Variants in STIM1 observed in about 807,000 individuals in gnomAD.
The protein encoded by STIM1 is stromal interaction molecule 1.
Under a neutral mutation model 74.7 loss-of-function variants are expected in STIM1, and 25 were observed. The observed-to-expected ratio is 0.33, with a 90% CI of 0.24 to 0.47. STIM1 has a LOEUF of 0.47. Among genes scored for constraint, STIM1 ranks in the 20% least tolerant of loss-of-function variants. The probability of loss-of-function intolerance (pLI) is 1.00; values close to 1 mark genes in which losing one functional copy is unlikely to be tolerated. For missense variants in STIM1, 728 were observed against 920.8 expected (o/e 0.79, Z 2.71); for synonymous variants, 328 against 348.8 (o/e 0.94, Z 0.66).
chr11:4,080,313 A>G (rs2094458369), intron 7 of STIM1, among the ~76,000 whole-genome samples: 1 of 152,214 alleles, frequency 6.6e-6, no homozygotes, highest in African/African-American at 2.4e-5. Context: ...AACCACAGCC[A>G]TAAAATAAAA....
chr11:4,061,510 G>A (rs190243233), intron 5 of STIM1, among the ~76,000 whole-genome samples: 1 of 152,292 alleles, frequency 6.6e-6, no homozygotes, highest in East Asian at 1.9e-4. Context: ...GTTGGCGAGG[G>A]TATAGAGAAA....
chr11:3,880,566 A>C (rs2091463567), intron 1 of STIM1, among the ~76,000 whole-genome samples: 1 of 152,240 alleles, frequency 6.6e-6, no homozygotes, highest in African/African-American at 2.4e-5. Flanking sequence ...TCAAGAACAC[A>C]GTTGTTATTG....
At chr11:3,862,186 A>G (rs2090639496) in intron 1 of STIM1, among the ~76,000 whole-genome samples, 1 of 152,204 alleles carries the variant, frequency 6.6e-6, no homozygotes, top group African/African-American at 2.4e-5. Context: ...TGACTTTGAA[A>G]AAAATTGTGG....
At chr11:3,973,949 GT>G in intron 2 of STIM1, 1 of 568,388 alleles carries the variant, frequency 1.8e-6, no homozygotes, top group Non-Finnish European at 3.2e-6. Flanking sequence ...CCTTTTCATA[GT>G]TAAGTGGGCA....
intron 6 of STIM1, among the ~76,000 whole-genome samples, chr11:4,073,608 A>T (rs2094419328): frequency 2.0e-5 from 3 of 152,240 alleles, no homozygotes; most frequent in African/African-American, 7.2e-5. Context: ...GTGAATGAAT[A>T]GATGAATGAA....
At chr11:3,932,914 G>T (rs942887932) in intron 1 of STIM1, among the ~76,000 whole-genome samples, 6 of 152,140 alleles carry the variant, frequency 3.9e-5, no homozygotes, top group African/African-American at 1.2e-4. Context: ...ACTAAGACAG[G>T]CTCCTCTACA....
At chr11:4,071,377 G>A (rs1341541490) in intron 6 of STIM1, among the ~76,000 whole-genome samples, 1 of 151,916 alleles carries the variant, frequency 6.6e-6, no homozygotes, top group African/African-American at 2.4e-5. Flanking sequence ...TTGACTCTGG[G>A]TCTTGCTCTG....
At chr11:4,072,114 T>A (rs951429973) in intron 6 of STIM1, among the ~76,000 whole-genome samples, 2 of 152,134 alleles carry the variant, frequency 1.3e-5, no homozygotes, top group Non-Finnish European at 2.9e-5. Flanking sequence ...CATTCCAAGT[T>A]TGGGGATAAA....
chr11:3,925,947 A>G (rs976496567), intron 1 of STIM1, among the ~76,000 whole-genome samples: 1 of 152,284 alleles, frequency 6.6e-6, no homozygotes, highest in Middle Eastern at 3.4e-3. Flanking sequence ...GTATCTTTTG[A>G]TAATTTTGAA....
chr11:3,984,305 C>T (rs928984805), intron 2 of STIM1, among the ~76,000 whole-genome samples: 2 of 152,184 alleles, frequency 1.3e-5, no homozygotes, highest in South Asian at 4.1e-4. Flanking sequence ...TTCTAGTTCT[C>T]TGCCTGTATC....
At chr11:3,903,017 G>A (rs1385313311) in intron 1 of STIM1, among the ~76,000 whole-genome samples, 4 of 152,172 alleles carry the variant, frequency 2.6e-5, no homozygotes, top group Non-Finnish European at 5.9e-5. Flanking sequence ...TTCTTACCAT[G>A]TGCCAGGTAC....
chr11:4,034,168 G>T lies in STIM1; in HGVS notation c.385+10181G>T, dbSNP rs575639883. On this transcript the variant is annotated intron_variant, in intron 3 of 12. Coordinates refer to ENST00000526596, the MANE Select transcript of STIM1 (RefSeq NM_001382567.1). ...CGCTTGAACCCAGGAGGCGGAGGTTGCAGTGAGCCAAGATTGTGCCACTGC... is the reference window on the plus strand; with the variant it reads ...CGCTTGAACCCAGGAGGCGGAGGTTTCAGTGAGCCAAGATTGTGCCACTGC... Among the ~76,000 whole-genome samples the T allele has an allele frequency of 7.9e-5, 12 of 152,098 alleles. No homozygotes were observed. In the East Asian group the frequency reaches 2.0e-3, roughly 25 times the overall value.
At chr11:4,020,992 A>T (rs1221670023) in intron 2 of STIM1, among the ~76,000 whole-genome samples, 2 of 151,842 alleles carry the variant, frequency 1.3e-5, no homozygotes, top group Non-Finnish European at 2.9e-5. Context: ...CGAGTTCCTT[A>T]TATATTCTAG....
chr11:3,963,234 C>G (rs2093306344), intron 1 of STIM1, among the ~76,000 whole-genome samples: 1 of 152,178 alleles, frequency 6.6e-6, no homozygotes, highest in Non-Finnish European at 1.5e-5. Flanking sequence ...CCTCTTCCTC[C>G]TCCCACCCTC....
rs1228992197 is a variant in STIM1 at position 4,092,089 on chromosome 11, C to T, written c.*291C>T. On this transcript the variant is annotated 3_prime_UTR_variant, in exon 13 of 13. Coordinates refer to ENST00000526596, the MANE Select transcript of STIM1 (RefSeq NM_001382567.1). ...GTTGCTGTTCCCTCAGCTCCCAGCT[C>T]CACCTCTGGGGTTCAGCTTCTGTCT... 1 of 485,278 alleles carries T rather than the reference C, an allele frequency of 2.1e-6. No homozygotes were observed. Among genetic ancestry groups the T allele is most frequent in the Non-Finnish European group, 3.8e-6 (1 of 265,994 alleles). 30.1% of individuals were successfully genotyped at this position (485,278 alleles called of 1,614,324 possible). A position where few individuals can be genotyped will look rare whatever the true frequency, so the allele number is the denominator to read the frequency against.
intron 2 of STIM1, among the ~76,000 whole-genome samples, chr11:3,993,516 C>T (rs914754016): frequency 2.6e-5 from 4 of 151,982 alleles, no homozygotes; most frequent in South Asian, 2.1e-4. Context: ...ATTAGCCGGG[C>T]GTGGTGGCAT....
chr11:4,049,580 C>T (rs1037049708), intron 3 of STIM1: 1 of 152,096 alleles, frequency 6.6e-6, no homozygotes, highest in African/African-American at 2.4e-5. Context: ...CCTCCTGCCT[C>T]AGTCTCCCAA....
At chr11:3,991,092 G>C (rs1211578915) in intron 2 of STIM1, among the ~76,000 whole-genome samples, 4 of 151,824 alleles carry the variant, frequency 2.6e-5, no homozygotes, top group Admixed American at 6.6e-5. Context: ...AATTCACTTA[G>C]GATAATGGCA....
At chr11:4,017,993 C>T (rs1055810535) in intron 2 of STIM1, among the ~76,000 whole-genome samples, 4 of 152,202 alleles carry the variant, frequency 2.6e-5, no homozygotes, top group Non-Finnish European at 5.9e-5. Flanking sequence ...GCTCCCATCT[C>T]AGAGTGAAAA....
Sources: allele counts gnomAD v4.1 joint callset (sites outside exome capture counted in the v4.1 genomes callset), GRCh38; gene constraint gnomAD v4.1.1; transcripts MANE v1.5; gene names NCBI Gene and HGNC (gene_info 2026-07-23, HGNC 2026-07-21).